The following ENTR1 variants were observed in gnomAD, a reference collection of about 807,000 sequenced individuals.
ENTR1 encodes the protein endosome associated trafficking regulator 1.
A neutral mutation model predicts 47.9 loss-of-function variants in ENTR1; 47 were observed. The ratio of observed to expected loss-of-function variants is 0.98; its 90% confidence interval spans 0.78 to 1.25. ENTR1 has a LOEUF of 1.25. ENTR1 is among the 50% of genes most tolerant of loss of function. The probability of loss-of-function intolerance (pLI) is 0.00; values close to 1 mark genes in which losing one functional copy is unlikely to be tolerated. For missense variants in ENTR1, 668 were observed against 570.5 expected (o/e 1.17, Z -1.74); for synonymous variants, 290 against 245.8 (o/e 1.18, Z -1.68).
chr9:136,407,019 T>C, intron 5 of ENTR1, 126 bp downstream of exon 5: 2 of 900,508 alleles, frequency 2.2e-6, no homozygotes, highest in Non-Finnish European at 3.3e-6. Context: ...TAGCAGGCTG[T>C]CACGCAAATC....
At chr9:136,410,001 G>A (rs762740745) in intron 2 of ENTR1, 89 bp downstream of exon 2, 1 of 1,475,534 alleles carries the variant, frequency 6.8e-7, no homozygotes, top group Non-Finnish European at 9.4e-7. Context: ...ACATTGATGG[G>A]TCAATGGACG....
At position 136,410,474 on chromosome 9, in the gene ENTR1, G is replaced by A. The variant is rs1364335851; in HGVS notation, c.-77C>T. On this transcript the variant is annotated 5_prime_UTR_variant, in exon 1 of 10. Coordinates refer to ENST00000357365, the MANE Select transcript of ENTR1 (RefSeq NM_001039707.2). ...ATGGCCCCGGCTCCGCCCGTGCCGCGGCCCGCGTCGCCCGCCCCCGTCGCC... is the reference window on the plus strand; with the variant it reads ...ATGGCCCCGGCTCCGCCCGTGCCGCAGCCCGCGTCGCCCGCCCCCGTCGCC... 1 of 993,144 alleles carries A rather than the reference G, an allele frequency of 1.0e-6. No individual in the cohort carries two copies. The highest frequency in any genetic ancestry group is 5.7e-5 in the Admixed American group (1 of 17,560). The allele number at this position is 993,144 out of a possible 1,614,324, so 61.5% of individuals were successfully genotyped here. A position where few individuals can be genotyped will look rare whatever the true frequency, so the allele number is the denominator to read the frequency against.
In ENTR1 at chr9:136,410,126, C is replaced by T; in HGVS notation, c.184G>A (p.Val62Met). ...FGIRPAFMCYVPSPVLASVGD... is the reference protein window; with the variant it reads ...FGIRPAFMCYMPSPVLASVGD... Reference sequence around the variant, plus strand: ...ACGGAAGCCAGCACCGGGCTGGGCACATAGCACATAAAGGCCGGCCGAATG... The same window carrying T: ...ACGGAAGCCAGCACCGGGCTGGGCATATAGCACATAAAGGCCGGCCGAATG... Residue 62 changes from valine (V) to methionine (M), a missense_variant, in exon 2 of 10, where the codon GTG becomes ATG. Val to Met is a conservative substitution (Grantham distance 21). Transcript: ENST00000357365. 6.2e-7 allele frequency: 1 copy of T among 1,612,872 alleles called. No individual in the cohort carries two copies. The highest frequency in any genetic ancestry group is 8.5e-7 in the Non-Finnish European group (1 of 1,179,958).
chr9:136,409,270 T>TC (rs1278599480), intron 2 of ENTR1, among the ~76,000 whole-genome samples: 2 of 151,280 alleles, frequency 1.3e-5, no homozygotes, highest in Admixed American at 6.6e-5. Flanking sequence ...AAGCTCCGCC[T>TC]CCTGGGTTCA....
intron 8 of ENTR1, 57 bp from the exon 9 acceptor site, chr9:136,404,251 TCAC>T: frequency 6.5e-7 from 1 of 1,548,296 alleles, no homozygotes; most frequent in Non-Finnish European, 8.7e-7. Context: ...CGGCTGAAAG[TCAC>T]CACCTGGCGA....
Position 136,407,514 on chromosome 9 carries a change from G to A in ENTR1, c.450C>T (p.Ser150=). 6.2e-7 allele frequency: 1 copy of A among 1,609,828 alleles called. No individual in the cohort carries two copies. Among genetic ancestry groups the A allele is most frequent in the East Asian group, 2.2e-5 (1 of 44,824 alleles). The change falls in exon 5 of 10, where the codon TCC becomes TCT. Residue 150 remains serine (S), a synonymous_variant. Coordinates refer to ENST00000357365, the MANE Select transcript of ENTR1 (RefSeq NM_001039707.2). ...SLGLDHNSPP[S]QTGGYGLEYQ... ...ACTCCAGGCCATACCCGCCGGTTTGGGAGGGTGGGGAGTTGTGGTCAAGTC... is the reference window on the plus strand; with the variant it reads ...ACTCCAGGCCATACCCGCCGGTTTGAGAGGGTGGGGAGTTGTGGTCAAGTC...
intron 3 of ENTR1, 29 bp downstream of exon 3, chr9:136,408,970 A>G (rs1254553032): frequency 6.2e-7 from 1 of 1,600,040 alleles, no homozygotes. Context: ...GGATGGAGAC[A>G]AGAAGAAAAG....
At chr9:136,404,523 C>T in intron 8 of ENTR1, 108 bp downstream of exon 8, 2 of 1,222,092 alleles carry the variant, frequency 1.6e-6, no homozygotes, top group Non-Finnish European at 1.2e-6. Context: ...CCTTTCTCTG[C>T]TTGGGCTCAG....
chr9:136,404,394 G>A (rs1834659553), intron 8 of ENTR1, among the ~76,000 whole-genome samples, 200 bp from the exon 9 acceptor site: 1 of 152,156 alleles, frequency 6.6e-6, no homozygotes, highest in Non-Finnish European at 1.5e-5. Flanking sequence ...CTAGCTCTAT[G>A]GCAATAGGGA....
chr9:136,404,853 C>T, intron 7 of ENTR1, 160 bp from the exon 8 acceptor site: 1 of 728,356 alleles, frequency 1.4e-6, no homozygotes, highest in African/African-American at 1.8e-5. Flanking sequence ...CTCAGACCAC[C>T]CCTGGGAAGG....
chr9:136,410,606 G>A lies in ENTR1; in HGVS notation c.-209C>T. 7.7e-7 allele frequency: 1 copy of A among 1,291,736 alleles called. No homozygotes were observed. The highest frequency in any genetic ancestry group is 9.9e-7 in the Non-Finnish European group (1 of 1,014,320). 80.0% of individuals were successfully genotyped at this position (1,291,736 alleles called of 1,614,324 possible). On this transcript the variant is annotated 5_prime_UTR_variant, in exon 1 of 10. Transcript: ENST00000357365. ...TGCCTGAACGCCTTGGGCCGTCGGC[G>A]AGGGGGAGGGGAAGCCGTGGGCGGA...
chr9:136,403,148 G>A (rs1268400551), intron 9 of ENTR1, among the ~76,000 whole-genome samples: 1 of 99,710 alleles, frequency 1.0e-5, no homozygotes, highest in Non-Finnish European at 2.1e-5. Flanking sequence ...GGAGAAAGGG[G>A]AGGAATTCCG....
At chr9:136,403,929 T>C in intron 9 of ENTR1, 126 bp downstream of exon 9, 1 of 1,150,940 alleles carries the variant, frequency 8.7e-7, no homozygotes, top group African/African-American at 1.6e-5. Context: ...CACGCGTCCC[T>C]CCCTGCAGCT....
At chr9:136,407,721 G>A (rs1324790683) in intron 4 of ENTR1, 105 bp downstream of exon 4, 7 of 1,358,782 alleles carry the variant, frequency 5.2e-6, no homozygotes, top group East Asian at 4.6e-5. Context: ...CAGCACTGAC[G>A]CCTGCCTGCT....
chr9:136,409,737 G>A, intron 2 of ENTR1: 1 of 393,194 alleles, frequency 2.5e-6, no homozygotes. Flanking sequence ...GGACGAACCA[G>A]ATCTGGCCAC....
intron 4 of ENTR1, 80 bp downstream of exon 4, chr9:136,407,746 C>G: frequency 7.2e-7 from 1 of 1,390,264 alleles, no homozygotes; most frequent in East Asian, 2.3e-5. Context: ...CACACTCATG[C>G]ACGATTCCTC....
In ENTR1 at chr9:136,407,783, G is replaced by A. The variant is rs760433696; in HGVS notation, c.402+43C>T. On this transcript the variant is annotated intron_variant, in intron 4 of 9. Transcript: ENST00000357365. ...AAAGGAGGCTGCAGAGGCCGGAACA[G>A]AAACGTCCCACAGAGCCATCGCCCA... 19 of 1,494,820 alleles carry A rather than the reference G, an allele frequency of 1.3e-5. No individual in the cohort carries two copies. In the South Asian group the frequency reaches 1.9e-4, roughly 15 times the overall value. 92.6% of individuals were successfully genotyped at this position (1,494,820 alleles called of 1,614,324 possible). A position where few individuals can be genotyped will look rare whatever the true frequency, so the allele number is the denominator to read the frequency against.
Position 136,404,141 on chromosome 9 carries a change from A to G in ENTR1, c.1122T>C (p.Gly374=), listed in dbSNP as rs1051957. The stretch of plus-strand genomic sequence containing the variant: ...TCTGCTTCACCACGGTCAGGCTGGC[A>G]CCCTGGCCGCACCGCAGGGCTTCAT... The part of the protein sequence containing the change: ...RENEALRCGQ[G]ASLTVVKQNA... Residue 374 remains glycine (G), a synonymous_variant, in exon 9 of 10, where the codon GGT becomes GGC. Coordinates refer to ENST00000357365, the MANE Select transcript of ENTR1 (RefSeq NM_001039707.2). 672,460 of 1,611,758 alleles carry G rather than the reference A, an allele frequency of 0.42. 143,338 individuals are homozygous for G. Among genetic ancestry groups the G allele is most frequent in the Admixed American group, 0.55 (32,754 of 59,708 alleles).
Position 136,407,438 on chromosome 9 carries a change from C to T in ENTR1, c.526G>A (p.Glu176Lys), listed in dbSNP as rs367609752. The change falls in exon 5 of 10, where the codon GAG (glutamate) becomes AAG (lysine). Residue 176 changes from glutamate (E) to lysine (K), a missense_variant. Transcript: ENST00000357365. ...DPTGAGDLLD[E>K]EEDEDTGWSG... ...CATCCGGTGTCCTCATCCTCCTCCT[C>T]ATCCAGGAGGTCACCAGCCCCTGTC... 45 of 1,610,824 alleles carry T rather than the reference C, an allele frequency of 2.8e-5. No individual in the cohort carries two copies. The African/African-American group carries it at 4.9e-4, about 18-fold the overall frequency.
Sources: allele counts gnomAD v4.1 joint callset (sites outside exome capture counted in the v4.1 genomes callset), GRCh38; gene constraint gnomAD v4.1.1; transcripts MANE v1.5; gene names NCBI Gene and HGNC (gene_info 2026-07-23, HGNC 2026-07-21).